Variants in SIK3 observed in about 807,000 individuals in gnomAD.
The protein encoded by SIK3 is serine/threonine-protein kinase SIK3.
A neutral mutation model predicts 144.2 loss-of-function variants in SIK3; 28 were observed. That is an observed-to-expected ratio of 0.19 (90% CI 0.14 to 0.27). The LOEUF is 0.27. SIK3 is among the 10% of genes least tolerant of loss of function. The pLI is 1.00. For missense variants in SIK3, 1,319 were observed against 1,776.0 expected (o/e 0.74, Z 4.62); for synonymous variants, 686 against 676.3 (o/e 1.01, Z -0.22).
rs1320093157 is a variant in SIK3 at position 116,844,613 on chromosome 11, T to TATATA, written c.*1025_*1029dup. On this transcript the variant is annotated 3_prime_UTR_variant, in exon 25 of 25. Coordinates refer to ENST00000445177, the MANE Select transcript of SIK3 (RefSeq NM_001366686.3). ...ATATATATTTTATATATATATTATA[T>TATATA]ATATAATATATATATAATATATTAT... 5.1e-5 allele frequency: 3 copies of TATATA among 58,434 alleles called. No homozygotes were observed. Among genetic ancestry groups the TATATA allele is most frequent in the Non-Finnish European group, 9.8e-5 (2 of 20,484 alleles). The allele number at this position is 58,434 out of a possible 1,614,324, so 3.6% of individuals were successfully genotyped here.
intron 4 of SIK3, among the ~76,000 whole-genome samples, chr11:116,910,320 G>GA (rs199714572): frequency 6.7e-5 from 10 of 149,324 alleles, no homozygotes; most frequent in East Asian, 5.9e-4. Context: ...CAGAAAAGAA[G>GA]AAAAAAAAAC....
At chr11:116,847,999 C>T (rs1942122263) in intron 22 of SIK3, among the ~76,000 whole-genome samples, 1 of 152,188 alleles carries the variant, frequency 6.6e-6, no homozygotes, top group African/African-American at 2.4e-5. Flanking sequence ...AACCAGTAGC[C>T]ACAAGTGGCT....
rs562037247 is a variant in SIK3, at chr11:116,867,495, G to T, written c.1952+451C>A. On this transcript the variant is annotated intron_variant, in intron 15 of 24. Transcript: ENST00000445177. The surrounding 1 kb of genome is among the most constrained non-coding windows in gnomAD (Gnocchi z 4.1). ...ATCTCTGCTCTACTATTCAGAAGGG[G>T]CTTTGTCTTCATTTCCAGGCTGGCG... Among the ~76,000 whole-genome samples, 8 of 152,296 alleles carry T rather than the reference G, an allele frequency of 5.3e-5. No homozygotes were observed. In the South Asian group the frequency reaches 1.7e-3, roughly 32 times the overall value.
In SIK3 at chr11:116,985,559, T is replaced by C. The variant is rs561605611; in HGVS notation, c.274-28495A>G. 2.0e-5 allele frequency among the ~76,000 whole-genome samples: 3 copies of C among 152,342 alleles called. No individual in the cohort carries two copies. The South Asian group carries it at 6.2e-4, about 32-fold the overall frequency. On this transcript the variant is annotated intron_variant, in intron 1 of 24. Transcript: ENST00000445177. ...AGGTACAGTATAATTCAATCTGTTT[T>C]GGTCTGCTTTATGTCAAACTGTTTT...
chr11:116,930,813 C>G (rs76690043), intron 3 of SIK3, among the ~76,000 whole-genome samples: 18,892 of 150,832 alleles, frequency 0.13, 1,306 homozygotes, highest in Admixed American at 0.17. Flanking sequence ...TAGACACCTG[C>G]TGCATAAAGT....
chr11:116,909,284 G>A (rs1946212488), intron 4 of SIK3, among the ~76,000 whole-genome samples: 1 of 151,372 alleles, frequency 6.6e-6, no homozygotes, highest in South Asian at 2.1e-4. Flanking sequence ...AAACTCCTAA[G>A]TAATGCATTA....
chr11:116,859,888 A>G (rs1480018231), intron 19 of SIK3, among the ~76,000 whole-genome samples: 1 of 152,154 alleles, frequency 6.6e-6, no homozygotes, highest in Admixed American at 6.5e-5. Context: ...ACATGGGGTA[A>G]CTCGGATCTA....
chr11:117,062,905 G>GA (rs1280032441), intron 1 of SIK3, among the ~76,000 whole-genome samples: 1 of 152,054 alleles, frequency 6.6e-6, no homozygotes, highest in Non-Finnish European at 1.5e-5. Context: ...AGACAGCATG[G>GA]AAAAAAACAT....
intron 1 of SIK3, among the ~76,000 whole-genome samples, chr11:116,973,934 C>T (rs1026303828): frequency 2.0e-5 from 3 of 152,116 alleles, no homozygotes; most frequent in Admixed American, 6.5e-5. Context: ...GACTAAATGG[C>T]GTGTGGTATC....
intron 1 of SIK3, among the ~76,000 whole-genome samples, chr11:117,083,519 T>C (rs980366936): frequency 4.6e-5 from 7 of 152,156 alleles, no homozygotes; most frequent in African/African-American, 2.4e-5. Context: ...CCTGTTGATG[T>C]AGAAATGGAA....
At chr11:116,914,196 C>A (rs1242895470) in intron 4 of SIK3, among the ~76,000 whole-genome samples, 1 of 149,030 alleles carries the variant, frequency 6.7e-6, no homozygotes, top group East Asian at 1.9e-4. Context: ...ATAAAGTACT[C>A]CCCTTCTCAA....
At chr11:116,866,725 C>A (rs1943666688) in intron 15 of SIK3, among the ~76,000 whole-genome samples, 1 of 152,142 alleles carries the variant, frequency 6.6e-6, no homozygotes, top group South Asian at 2.1e-4. Context: ...CAGGCGTGAA[C>A]CACCGTGCCT....
intron 1 of SIK3, among the ~76,000 whole-genome samples, chr11:117,097,890 G>A (rs570390276): frequency 2.0e-5 from 3 of 151,790 alleles, no homozygotes; most frequent in Non-Finnish European, 4.4e-5. Flanking sequence ...TCAGCCCCGA[G>A]GACCCCTCCC....
intron 1 of SIK3, among the ~76,000 whole-genome samples, chr11:116,985,342 A>T (rs17120211): frequency 1.3e-5 from 2 of 152,234 alleles, no homozygotes; most frequent in Non-Finnish European, 2.9e-5. Context: ...AAAAAAAGTT[A>T]CATTCTCCAG....
At chr11:117,050,438 T>G (rs1591611596) in intron 1 of SIK3, among the ~76,000 whole-genome samples, 1 of 151,796 alleles carries the variant, frequency 6.6e-6, no homozygotes, top group South Asian at 2.1e-4. Flanking sequence ...GTAATCCCAG[T>G]ACTTTGGGAG....
intron 4 of SIK3, among the ~76,000 whole-genome samples, chr11:116,905,421 G>A (rs1459759719): frequency 6.6e-6 from 1 of 152,178 alleles, no homozygotes; most frequent in African/African-American, 2.4e-5. Flanking sequence ...GAACATTTAT[G>A]TGAGTTTCTG....
chr11:117,092,438 G>A (rs1167212329), intron 1 of SIK3, among the ~76,000 whole-genome samples: 2 of 152,086 alleles, frequency 1.3e-5, no homozygotes, highest in Non-Finnish European at 2.9e-5. Context: ...GGTCTTCCCT[G>A]ACCACTCTAT....
At chr11:116,872,926 G>A (rs1184968275) in intron 13 of SIK3, among the ~76,000 whole-genome samples, 1 of 152,014 alleles carries the variant, frequency 6.6e-6, no homozygotes, top group Non-Finnish European at 1.5e-5. Context: ...AGAACCCAAG[G>A]GAGAAAAAAA....
chr11:117,072,725 G>A (rs1954335848), intron 1 of SIK3, among the ~76,000 whole-genome samples: 1 of 152,196 alleles, frequency 6.6e-6, no homozygotes, highest in South Asian at 2.1e-4. Flanking sequence ...ACAAGAGAAT[G>A]TAACCCAGCA....
Sources: gnomAD v4.1 joint callset for allele counts (sites outside exome capture counted in the v4.1 genomes callset) on GRCh38, gnomAD v4.1.1 for gene constraint, Gnocchi (gnomAD v3.1) non-coding constraint, MANE v1.5 for transcripts, NCBI Gene and HGNC (gene_info 2026-07-23, HGNC 2026-07-21) for gene names.